R3HDM1: variants seen among roughly 807,000 people sequenced by gnomAD.
The protein encoded by R3HDM1 is R3H domain-containing protein 1.
R3HDM1 carries 46 observed loss-of-function variants against 141.1 expected under a neutral mutation model. The observed-to-expected ratio is 0.33, with a 90% CI of 0.26 to 0.42. The LOEUF is 0.42. Ranked by LOEUF, R3HDM1 falls within the 10% of genes least tolerant of loss-of-function variation. R3HDM1 has a pLI of 1.00. For missense variants in R3HDM1, 1,184 were observed against 1,368.3 expected, an observed-to-expected ratio of 0.87 and a Z score of 2.12; for synonymous variants, 435 against 472.9, an observed-to-expected ratio of 0.92 and a Z score of 1.04.
chr2:135,622,768 A>G, intron 7 of R3HDM1, 36 bp downstream of exon 7: 2 of 1,513,418 alleles, frequency 1.3e-6, no homozygotes, highest in Non-Finnish European at 1.8e-6. Flanking sequence ...CATTGCTTCT[A>G]GAGTACCATA....
At chr2:135,671,402 T>G (rs2068316015) in intron 19 of R3HDM1, among the ~76,000 whole-genome samples, 1 of 151,970 alleles carries the variant, frequency 6.6e-6, no homozygotes, top group Non-Finnish European at 1.5e-5. Context: ...GGAGTTTCGC[T>G]CTTGTCGCCC....
intron 1 of R3HDM1, chr2:135,536,555 A>G: frequency 1.1e-6 from 1 of 925,648 alleles, no homozygotes; most frequent in Non-Finnish European, 1.3e-6. Flanking sequence ...AATTAGGTAG[A>G]GAAAATAAAC....
chr2:135,670,315 CAG>C (rs1344882410), intron 19 of R3HDM1: 1 of 985,032 alleles, frequency 1.0e-6, no homozygotes, highest in African/African-American at 1.7e-5. Context: ...AGGAAGCTGA[CAG>C]AGTTTGCTCT....
chr2:135,567,903 CTTT>C lies in R3HDM1; in HGVS notation c.-249-34575_-249-34573del, dbSNP rs562748072. Among the ~76,000 whole-genome samples, 20 of 73,792 alleles carry C rather than the reference CTTT, an allele frequency of 2.7e-4. No homozygotes were observed. In the South Asian group the frequency reaches 5.3e-3, roughly 19 times the overall value. The allele number at this position is 73,792 out of a possible 152,430, so 48.4% of individuals were successfully genotyped here. On this transcript the variant is annotated intron_variant, in intron 1 of 26. Coordinates refer to ENST00000683871, the MANE Select transcript of R3HDM1 (RefSeq NM_001378107.1). ...TGCAGGCGTGCATCACCACACCTGG[CTTT>C]TTTTTTTTTTTTTTTTTTTTTGCAG...
rs1575297390 is a variant in R3HDM1, at chr2:135,724,373, T to G, written c.*81T>G. On this transcript the variant is annotated 3_prime_UTR_variant, in exon 27 of 27. Coordinates refer to ENST00000683871, the MANE Select transcript of R3HDM1 (RefSeq NM_001378107.1). ...TTGGCTTGGTATTTGGAGCTTCTGT[T>G]AACATTATAGAGACTCCTAGGATGT... is the stretch of plus-strand genomic sequence containing the variant. 7 of 1,116,238 alleles carry G rather than the reference T, an allele frequency of 6.3e-6. No individual in the cohort carries two copies. The East Asian group carries it at 1.5e-4, about 25-fold the overall frequency. The allele number at this position is 1,116,238 out of a possible 1,614,324, so 69.1% of individuals were successfully genotyped here. A position where few individuals can be genotyped will look rare whatever the true frequency, so the allele number is the denominator to read the frequency against.
intron 1 of R3HDM1, among the ~76,000 whole-genome samples, chr2:135,569,729 G>T (rs13411789): frequency 0.066 from 7,936 of 120,854 alleles, 861 homozygotes; most frequent in African/African-American, 0.23. Flanking sequence ...TTTTTTTTTT[G>T]TTGTTGTTTT....
chr2:135,694,589 G>A (rs2072955450), intron 21 of R3HDM1, among the ~76,000 whole-genome samples: 2 of 152,178 alleles, frequency 1.3e-5, no homozygotes, highest in Non-Finnish European at 2.9e-5. Flanking sequence ...CCCTGAGAGG[G>A]AGAAACAAAA....
chr2:135,666,923 A>T, intron 19 of R3HDM1: 1 of 220,764 alleles, frequency 4.5e-6, no homozygotes, highest in Non-Finnish European at 7.6e-6. Flanking sequence ...CTCATCTTTA[A>T]AAAAAAAAAA....
chr2:135,680,187 A>G lies in R3HDM1; in HGVS notation c.2322A>G (p.Gln774=), dbSNP rs144388261. ...SVPTYQVSLP[Q]GSQGIPHQTY... ...TCAAATTTTAGGTTTCACTGCCTCAAGGTTCTCAAGGAATTCCCCATCAGA... is the reference window on the plus strand; with the variant it reads ...TCAAATTTTAGGTTTCACTGCCTCAGGGTTCTCAAGGAATTCCCCATCAGA... Residue 774 remains glutamine (Q), a synonymous_variant, in exon 21 of 27, where the codon CAA becomes CAG. Coordinates refer to ENST00000683871, the MANE Select transcript of R3HDM1 (RefSeq NM_001378107.1). 633 of 1,613,624 alleles carry G rather than the reference A, an allele frequency of 3.9e-4. No homozygotes were observed. The highest frequency in any genetic ancestry group is 5.1e-4 in the Non-Finnish European group (606 of 1,179,764).
intron 21 of R3HDM1, among the ~76,000 whole-genome samples, chr2:135,695,092 C>A (rs1316488590): frequency 6.6e-6 from 1 of 152,164 alleles, no homozygotes; most frequent in Non-Finnish European, 1.5e-5. Flanking sequence ...AGGCTGCTGT[C>A]GTCCTGCCTG....
intron 1 of R3HDM1, chr2:135,533,874 A>T: frequency 1.7e-6 from 1 of 582,464 alleles, no homozygotes; most frequent in Non-Finnish European, 2.2e-6. Context: ...ACTCCATCTT[A>T]AAAAGAAAGA....
intron 15 of R3HDM1, among the ~76,000 whole-genome samples, chr2:135,642,998 T>C (rs1415090646): frequency 6.6e-6 from 1 of 152,190 alleles, no homozygotes; most frequent in Non-Finnish European, 1.5e-5. Context: ...TTTCCTATTA[T>C]TTTTCATTCA....
intron 20 of R3HDM1, among the ~76,000 whole-genome samples, chr2:135,678,254 GCACCCAGT>G (rs1417723923): frequency 1.3e-5 from 2 of 151,908 alleles, no homozygotes; most frequent in East Asian, 2.0e-4. Context: ...ATGAGCCACT[GCACCCAGT>G]CAGTCATTAC....
intron 1 of R3HDM1, chr2:135,566,737 G>A (rs1196499688): frequency 1.0e-6 from 1 of 985,168 alleles, no homozygotes; most frequent in African/African-American, 1.7e-5. Flanking sequence ...ATGGTTCTAG[G>A]GAAGGAAATG....
chr2:135,569,590 C>T (rs1386908364), intron 1 of R3HDM1, among the ~76,000 whole-genome samples: 1 of 152,172 alleles, frequency 6.6e-6, no homozygotes, highest in Admixed American at 6.5e-5. Context: ...CTCTACCGCT[C>T]ACTGGTTGTG....
intron 1 of R3HDM1, chr2:135,581,336 A>G (rs1706754072): frequency 1.6e-5 from 16 of 985,122 alleles, no homozygotes; most frequent in Non-Finnish European, 1.9e-5. Flanking sequence ...CATAATTCCA[A>G]TTCCATTTCC....
chr2:135,550,333 T>A, intron 1 of R3HDM1: 1 of 654,582 alleles, frequency 1.5e-6, no homozygotes, highest in African/African-American at 2.0e-5. Context: ...GCAGCTTTCA[T>A]ACAGCTACTC....
chr2:135,576,585 C>T (rs536353163), intron 1 of R3HDM1, among the ~76,000 whole-genome samples: 1 of 152,066 alleles, frequency 6.6e-6, no homozygotes, highest in South Asian at 2.1e-4. Context: ...TTCATAACAG[C>T]CAAAAAATTC....
rs183028143 is a variant in R3HDM1, at chr2:135,618,914, G to A, written c.303+2157G>A. Among the ~76,000 whole-genome samples, 449 of 152,060 alleles carry A rather than the reference G, an allele frequency of 3.0e-3. 2 individuals carry two copies. Among genetic ancestry groups the A allele is most frequent in the African/African-American group, 0.01 (425 of 41,470 alleles). ...ACACGCCTGTAATCCCAGCTACTTC[G>A]GAGGCTGGGGCAGGAGAATCGCTTG... On this transcript the variant is annotated intron_variant, in intron 5 of 26. Transcript: ENST00000683871.
Sources: gnomAD v4.1 joint callset for allele counts (sites outside exome capture counted in the v4.1 genomes callset) on GRCh38, gnomAD v4.1.1 for gene constraint, MANE v1.5 for transcripts, NCBI Gene and HGNC (gene_info 2026-07-23, HGNC 2026-07-21) for gene names.